The following RIMS1 variants were observed in gnomAD, a reference collection of about 807,000 sequenced individuals.
The protein encoded by RIMS1 is regulating synaptic membrane exocytosis protein 1.
In RIMS1, 83 loss-of-function variants were observed where a neutral mutation model predicts 214.1. That is an observed-to-expected ratio of 0.39 (90% CI 0.32 to 0.47). The LOEUF (loss-of-function observed/expected upper bound fraction) is 0.47, where lower values mean the gene tolerates loss of function less well. Ranked by LOEUF, RIMS1 falls within the 20% of genes least tolerant of loss-of-function variation. The pLI is 0.99. For synonymous variants in RIMS1, 793 were observed against 786.8 expected, an observed-to-expected ratio of 1.01 and a Z score of -0.13; for missense variants, 2,050 against 2,161.8, an observed-to-expected ratio of 0.95 and a Z score of 1.03.
intron 11 of RIMS1, among the ~76,000 whole-genome samples, chr6:72,247,584 A>G (rs577221099): frequency 6.6e-6 from 1 of 152,166 alleles, no homozygotes; most frequent in African/African-American, 2.4e-5. Flanking sequence ...TCTGATTTTA[A>G]AACAGTGGCA....
intron 28 of RIMS1, among the ~76,000 whole-genome samples, chr6:72,323,303 G>A (rs2096271148): frequency 6.6e-6 from 1 of 151,852 alleles, no homozygotes; most frequent in Non-Finnish European, 1.5e-5. Flanking sequence ...ACGAGAAAAA[G>A]GACTACCTGG....
chr6:72,067,646 G>A (rs746098866), intron 2 of RIMS1, among the ~76,000 whole-genome samples: 1 of 152,086 alleles, frequency 6.6e-6, no homozygotes, highest in Non-Finnish European at 1.5e-5. Flanking sequence ...TACCCCTTGA[G>A]TTCATGGTCT....
chr6:71,913,541 C>T (rs962912538), intron 1 of RIMS1, among the ~76,000 whole-genome samples: 7 of 152,084 alleles, frequency 4.6e-5, no homozygotes, highest in African/African-American at 1.4e-4. Context: ...ATGTAACACC[C>T]TTAAATAGAA....
At chr6:72,018,812 TTTGA>T (rs1453342397) in intron 2 of RIMS1, among the ~76,000 whole-genome samples, 1 of 152,172 alleles carries the variant, frequency 6.6e-6, no homozygotes, top group Non-Finnish European at 1.5e-5. Flanking sequence ...GAAATAATTG[TTTGA>T]TTGAGCAGAT....
intron 28 of RIMS1, among the ~76,000 whole-genome samples, chr6:72,315,461 A>G (rs1390287481): frequency 6.6e-6 from 1 of 152,208 alleles, no homozygotes; most frequent in Non-Finnish European, 1.5e-5. Flanking sequence ...TACAGCTAAT[A>G]GTTAAACAAG....
At chr6:71,987,934 G>A (rs1365049042) in intron 2 of RIMS1, among the ~76,000 whole-genome samples, 1 of 152,090 alleles carries the variant, frequency 6.6e-6, no homozygotes, top group Admixed American at 6.5e-5. Context: ...GAAGGCATTT[G>A]CATTTGAACA....
chr6:72,071,648 A>G (rs2152304383), intron 2 of RIMS1, among the ~76,000 whole-genome samples: 1 of 151,948 alleles, frequency 6.6e-6, no homozygotes, highest in East Asian at 1.9e-4. Flanking sequence ...AATATGTGTC[A>G]GTTGTATGAT....
intron 2 of RIMS1, among the ~76,000 whole-genome samples, chr6:71,971,371 G>A (rs7751092): frequency 0.86 from 130,307 of 152,100 alleles, 56,002 homozygotes; most frequent in East Asian, 1. Context: ...GGAAGGAGTA[G>A]TAGAGGTTAT....
intron 4 of RIMS1, among the ~76,000 whole-genome samples, chr6:72,152,836 A>ATGTATATATGGAATATATGTATATATATG (rs1588139718): frequency 2.6e-5 from 1 of 38,720 alleles, no homozygotes; most frequent in Admixed American, 3.1e-4. Context: ...ATGTATATAT[A>ATGTATATATGGAATATATGTATATATATG]TGTATATATG....
chr6:72,214,542 A>G (rs1195047140), intron 6 of RIMS1, among the ~76,000 whole-genome samples: 1 of 152,202 alleles, frequency 6.6e-6, no homozygotes, highest in Non-Finnish European at 1.5e-5. Flanking sequence ...ATGACATTCA[A>G]AATGACTTTA....
At chr6:72,132,364 G>A (rs140884213) in intron 4 of RIMS1, among the ~76,000 whole-genome samples, 2 of 152,274 alleles carry the variant, frequency 1.3e-5, no homozygotes, top group East Asian at 3.9e-4. Context: ...CATGGCTTCA[G>A]TCAGTCCCTC....
chr6:72,291,122 C>T (rs1352483793), intron 25 of RIMS1, among the ~76,000 whole-genome samples: 1 of 152,068 alleles, frequency 6.6e-6, no homozygotes, highest in Non-Finnish European at 1.5e-5. Flanking sequence ...CTGTTTGTGG[C>T]ATATTCATAT....
chr6:72,373,460 A>C (rs1268955077), intron 29 of RIMS1, among the ~76,000 whole-genome samples: 2 of 152,186 alleles, frequency 1.3e-5, no homozygotes, highest in African/African-American at 4.8e-5. Context: ...TTTGTGTGTG[A>C]TTAACACTGA....
chr6:72,381,021 C>T (rs2098477256), intron 29 of RIMS1, among the ~76,000 whole-genome samples: 1 of 152,166 alleles, frequency 6.6e-6, no homozygotes, highest in South Asian at 2.1e-4. Context: ...TTTACTAGGG[C>T]TGCTGTAACA....
At chr6:72,136,615 T>G (rs1002089997) in intron 4 of RIMS1, among the ~76,000 whole-genome samples, 20 of 152,102 alleles carry the variant, frequency 1.3e-4, no homozygotes, top group African/African-American at 4.3e-4. Flanking sequence ...TCAGAAAGTT[T>G]ACCTTTTACA....
At chr6:72,068,014 A>G (rs889908760) in intron 2 of RIMS1, among the ~76,000 whole-genome samples, 23 of 152,230 alleles carry the variant, frequency 1.5e-4, no homozygotes, top group Non-Finnish European at 3.4e-4. Context: ...ACTGTTCAGG[A>G]ATCATACAAT....
chr6:72,175,334 T>G (rs1336686131), intron 4 of RIMS1: 2 of 393,168 alleles, frequency 5.1e-6, no homozygotes, highest in Non-Finnish European at 1.0e-5. Flanking sequence ...ATTATAATAC[T>G]AAGTACCTCA....
intron 1 of RIMS1, among the ~76,000 whole-genome samples, chr6:71,953,836 C>T (rs545094494): frequency 1.3e-5 from 2 of 152,278 alleles, no homozygotes; most frequent in South Asian, 4.1e-4. Context: ...TGCAACAGCT[C>T]TAATAAGGAT....
intron 2 of RIMS1, among the ~76,000 whole-genome samples, chr6:71,974,251 G>T (rs1449515845): frequency 1.3e-5 from 2 of 151,986 alleles, no homozygotes; most frequent in East Asian, 3.9e-4. Flanking sequence ...ATTCACTGCA[G>T]TGTGTGTGTA....
Sources: allele counts gnomAD v4.1 joint callset (sites outside exome capture counted in the v4.1 genomes callset), GRCh38; gene constraint gnomAD v4.1.1; transcripts MANE v1.5; gene names NCBI Gene and HGNC (gene_info 2026-07-23, HGNC 2026-07-21).